CLEC4C: variants seen among roughly 807,000 people sequenced by gnomAD.
The protein encoded by CLEC4C is C-type (calcium dependent, carbohydrate-recognition domain) lectin, superfamily member 11.
A neutral mutation model predicts 27.7 loss-of-function variants in CLEC4C; 17 were observed. The ratio of observed to expected loss-of-function variants is 0.61; its 90% CI spans 0.42 to 0.92. The LOEUF is 0.92. Among genes scored for constraint, CLEC4C ranks in the 40% least tolerant of loss-of-function variants. CLEC4C has a pLI of 0.00. For missense variants in CLEC4C, 244 were observed against 257.3 expected, an observed-to-expected ratio of 0.95 and a Z score of 0.35; for synonymous variants, 80 against 80.8, an observed-to-expected ratio of 0.99 and a Z score of 0.06.
In CLEC4C at chr12:7,737,884, G is replaced by GA. The variant is rs986006678; in HGVS notation, c.236-311dup. ...CAACCACTGGCAATATGTTACCAAAGAAAAAAAAAAGAACATGAGTATGGC... is the reference window on the plus strand; with the variant it reads ...CAACCACTGGCAATATGTTACCAAAGAAAAAAAAAAAGAACATGAGTATGGC... On this transcript the variant is annotated intron_variant, in intron 3 of 5. Transcript: ENST00000360345. 1.9e-4 allele frequency among the ~76,000 whole-genome samples: 28 copies of GA among 145,420 alleles called. No individual in the cohort carries two copies. In the East Asian group the frequency reaches 2.4e-3, roughly 12 times the overall value.
upstream of CLEC4C, among the ~76,000 whole-genome samples, chr12:7,747,808 A>C (rs1865017888): frequency 7.0e-6 from 1 of 143,122 alleles, no homozygotes; most frequent in Non-Finnish European, 1.5e-5. Flanking sequence ...TGCCCAGCTA[A>C]TTTTTGTATT....
intron 2 of CLEC4C, among the ~76,000 whole-genome samples, chr12:7,745,108 G>A (rs1411438934): frequency 6.6e-6 from 1 of 152,100 alleles, no homozygotes; most frequent in South Asian, 2.1e-4. Flanking sequence ...AGAATGAATT[G>A]CGTCCTCCCC....
intron 4 of CLEC4C, among the ~76,000 whole-genome samples, chr12:7,731,826 A>C (rs1864602188): frequency 6.6e-6 from 1 of 152,046 alleles, no homozygotes; most frequent in African/African-American, 2.4e-5. Context: ...TTGTAAAGGG[A>C]GTCTGTAATC....
Position 7,746,124 on chromosome 12 carries a change from C to T in CLEC4C, c.124+207G>A, listed in dbSNP as rs188639932. Among the ~76,000 whole-genome samples, 386 of 147,702 alleles carry T rather than the reference C, an allele frequency of 2.6e-3. 1 individual carries two copies. Among genetic ancestry groups the T allele is most frequent in the African/African-American group, 9.1e-3 (362 of 39,802 alleles). ...CAGCTACTCGGGAGGCTGAGGCAGG[C>T]GAATGGCATGAACCCGGGAGGTGAG... On this transcript the variant is annotated intron_variant, in intron 2 of 5. Transcript: ENST00000360345.
At chr12:7,732,686 G>T (rs757170794) in intron 4 of CLEC4C, among the ~76,000 whole-genome samples, 17 of 151,878 alleles carry the variant, frequency 1.1e-4, no homozygotes, top group African/African-American at 4.1e-4. Context: ...TTTATGGCCA[G>T]GTGTGGTGGT....
intron 4 of CLEC4C, 123 bp downstream of exon 4, chr12:7,737,306 G>GA (rs1555104949): frequency 1.2e-6 from 1 of 845,880 alleles, no homozygotes; most frequent in East Asian, 2.9e-5. Flanking sequence ...TGTTTTTTGG[G>GA]TTTTTTTTTA....
At chr12:7,739,929 G>A (rs1032904510) in intron 3 of CLEC4C, among the ~76,000 whole-genome samples, 1 of 151,070 alleles carries the variant, frequency 6.6e-6, no homozygotes, top group Admixed American at 6.6e-5. Flanking sequence ...CCACCTCCCA[G>A]GTTCAAGTGA....
intron 2 of CLEC4C, among the ~76,000 whole-genome samples, chr12:7,742,225 C>T (rs1313408630): frequency 6.6e-6 from 1 of 151,640 alleles, no homozygotes; most frequent in Admixed American, 6.6e-5. Context: ...AATCTTATGA[C>T]TTTACGGCTG....
intron 1 of CLEC4C, among the ~76,000 whole-genome samples, chr12:7,747,112 C>G (rs765732825): frequency 6.6e-6 from 1 of 152,206 alleles, no homozygotes; most frequent in Non-Finnish European, 1.5e-5. Flanking sequence ...CGTGAGCCAC[C>G]GCGCCCGCCC....
Position 7,741,427 on chromosome 12 carries a change from T to A in CLEC4C, c.229A>T (p.Ile77Leu). 1 of 1,575,626 alleles carries A rather than the reference T, an allele frequency of 6.3e-7. No individual in the cohort carries two copies. Among genetic ancestry groups the A allele is most frequent in the Non-Finnish European group, 8.7e-7 (1 of 1,144,498 alleles). The stretch of plus-strand genomic sequence containing the variant: ...GCCCATTGCAGAGTTGTACCTTCTA[T>A]GTCCTTTCCTTCCATGACGCAGGTC... ...SLTCVMEGKD[I>L]EDWSCCPTPW... Residue 77 changes from isoleucine to leucine, a missense_variant, in exon 3 of 6, where the codon ATA (isoleucine) becomes TTA (leucine). Physicochemically the swap from Ile to Leu is conservative, Grantham distance 5. Transcript: ENST00000360345.
chr12:7,737,137 A>G (rs1864745070), intron 4 of CLEC4C, among the ~76,000 whole-genome samples: 1 of 151,946 alleles, frequency 6.6e-6, no homozygotes, highest in Non-Finnish European at 1.5e-5. Context: ...AGGCTGAGGC[A>G]GGAGAATCAC....
At chr12:7,740,030 C>T (rs1354480095) in intron 3 of CLEC4C, among the ~76,000 whole-genome samples, 1 of 151,852 alleles carries the variant, frequency 6.6e-6, no homozygotes, top group Non-Finnish European at 1.5e-5. Flanking sequence ...GACAGGGTTT[C>T]TCCATGTTGG....
intron 2 of CLEC4C, among the ~76,000 whole-genome samples, chr12:7,743,838 C>G (rs1185740784): frequency 6.9e-6 from 1 of 144,032 alleles, no homozygotes; most frequent in Non-Finnish European, 1.6e-5. Context: ...ATACCTGAGA[C>G]TTGGTATTTA....
intron 3 of CLEC4C, among the ~76,000 whole-genome samples, chr12:7,739,091 C>T (rs1242107258): frequency 1.3e-5 from 2 of 151,546 alleles, no homozygotes; most frequent in Non-Finnish European, 2.9e-5. Context: ...CACAGTTTTT[C>T]CCTATAAGTA....
intron 2 of CLEC4C, among the ~76,000 whole-genome samples, chr12:7,744,332 CTG>C (rs1187636824): frequency 6.6e-6 from 1 of 152,202 alleles, no homozygotes; most frequent in African/African-American, 2.4e-5. Context: ...ACATTGAAAA[CTG>C]TGAGATGTAT....
chr12:7,739,706 GTC>G (rs1864811480), intron 3 of CLEC4C, among the ~76,000 whole-genome samples: 1 of 151,596 alleles, frequency 6.6e-6, no homozygotes, highest in Non-Finnish European at 1.5e-5. Context: ...TTTAGACAGG[GTC>G]TCACTTTGTC....
At chr12:7,741,976 G>A (rs774824442) in intron 2 of CLEC4C, among the ~76,000 whole-genome samples, 7 of 152,088 alleles carry the variant, frequency 4.6e-5, no homozygotes, top group Admixed American at 2.6e-4. Flanking sequence ...AGCCGAGACC[G>A]CGCCATTGCA....
intron 3 of CLEC4C, among the ~76,000 whole-genome samples, chr12:7,740,192 G>A (rs2120410735): frequency 6.6e-6 from 1 of 151,636 alleles, no homozygotes; most frequent in Non-Finnish European, 1.5e-5. Flanking sequence ...TTCCCAGGCT[G>A]GTTTCAAGCT....
chr12:7,732,465 C>A (rs1057301585), intron 4 of CLEC4C, among the ~76,000 whole-genome samples: 1 of 151,694 alleles, frequency 6.6e-6, no homozygotes, highest in East Asian at 2.0e-4. Context: ...GGTTCTTCTG[C>A]CTCAGGCTCC....
Sources: allele counts gnomAD v4.1 joint callset (sites outside exome capture counted in the v4.1 genomes callset), GRCh38; gene constraint gnomAD v4.1.1; transcripts MANE v1.5; gene names NCBI Gene and HGNC (gene_info 2026-07-23, HGNC 2026-07-21).